The following PTPRQ variants were observed in gnomAD, a reference collection of about 807,000 sequenced individuals.
The protein encoded by PTPRQ is phosphatidylinositol phosphatase PTPRQ.
A neutral mutation model predicts 246.0 loss-of-function variants in PTPRQ; 199 were observed. The observed-to-expected ratio is 0.81, with a 90% CI of 0.72 to 0.91. The LOEUF (loss-of-function observed/expected upper bound fraction) is 0.91, where lower values mean the gene tolerates loss of function less well. Ranked by LOEUF, PTPRQ falls within the 40% of genes least tolerant of loss-of-function variation. The pLI, the probability that PTPRQ is intolerant of heterozygous loss-of-function variation, is 0.00. For synonymous variants in PTPRQ, 869 were observed against 853.2 expected, an observed-to-expected ratio of 1.02 and a Z score of -0.32; for missense variants, 2,624 against 2,528.4, an observed-to-expected ratio of 1.04 and a Z score of -0.81.
At chr12:80,520,610 G>A (rs966119514) in intron 17 of PTPRQ, among the ~76,000 whole-genome samples, 1 of 150,090 alleles carries the variant, frequency 6.7e-6, no homozygotes, top group African/African-American at 2.5e-5. Flanking sequence ...AACATGCGGT[G>A]TTTGGTTTTT....
intron 14 of PTPRQ, among the ~76,000 whole-genome samples, chr12:80,497,607 C>A (rs748027300): frequency 6.6e-6 from 1 of 151,986 alleles, no homozygotes; most frequent in Non-Finnish European, 1.5e-5. Context: ...GTAAAACAAG[C>A]AAGGAATTAC....
At chr12:80,558,053 T>C (rs1416914302) in intron 25 of PTPRQ, among the ~76,000 whole-genome samples, 1 of 150,736 alleles carries the variant, frequency 6.6e-6, no homozygotes, top group Admixed American at 6.6e-5. Context: ...CTTTCTCCCT[T>C]CCTCCCTTCC....
rs1896318374 is a variant in PTPRQ, at chr12:80,546,688, C to T, written c.4006C>T (p.Gln1336Ter). The part of the protein sequence containing the change: ...QFSNVVKFTT[Q>*]ESVPDVVQNM... The stretch of plus-strand genomic sequence containing the variant: ...TAGTAATGTAGTAAAATTCACAACC[C>T]AAGAATCAGGTTAGATACAGTTTTT... Residue 1336 changes from glutamine to a stop codon, truncating the protein, a stop_gained, in exon 24 of 45, where the codon CAA becomes TAA. Transcript: ENST00000644991. LOFTEE classifies it high-confidence loss of function. 6.4e-7 allele frequency: 1 copy of T among 1,550,840 alleles called. No homozygotes were observed. Among genetic ancestry groups the T allele is most frequent in the Non-Finnish European group, 8.7e-7 (1 of 1,146,668 alleles).
intron 14 of PTPRQ, among the ~76,000 whole-genome samples, chr12:80,501,794 G>T (rs1443958196): frequency 6.6e-6 from 1 of 151,946 alleles, no homozygotes; most frequent in Non-Finnish European, 1.5e-5. Flanking sequence ...TATTCCCTAT[G>T]TCACATGCTG....
At chr12:80,471,474 A>AATTTTTT (rs1893623093) in intron 7 of PTPRQ, among the ~76,000 whole-genome samples, 1 of 73,198 alleles carries the variant, frequency 1.4e-5, no homozygotes, top group Non-Finnish European at 2.4e-5. Context: ...ATTATTTAGC[A>AATTTTTT]TTTTTTTTTT....
chr12:80,652,930 T>A, intron 38 of PTPRQ, 96 bp downstream of exon 38: 6 of 1,256,264 alleles, frequency 4.8e-6, no homozygotes, highest in Non-Finnish European at 6.2e-6. Context: ...TATTTTATAT[T>A]GTTTGAATTA....
intron 26 of PTPRQ, among the ~76,000 whole-genome samples, chr12:80,604,302 T>G (rs749517113): frequency 6.6e-6 from 1 of 151,568 alleles, no homozygotes; most frequent in Non-Finnish European, 1.5e-5. Context: ...TAACTGTGGC[T>G]AAATCTTTCC....
At chr12:80,661,776 C>T (rs1322739563) in intron 39 of PTPRQ, among the ~76,000 whole-genome samples, 2 of 151,554 alleles carry the variant, frequency 1.3e-5, no homozygotes, top group Admixed American at 6.6e-5. Flanking sequence ...TAAACTTTAA[C>T]ATAAAAAAAT....
chr12:80,464,170 G>A (rs1422261955), intron 6 of PTPRQ, among the ~76,000 whole-genome samples: 1 of 150,200 alleles, frequency 6.7e-6, no homozygotes, highest in African/African-American at 2.5e-5. Context: ...AAGGATGGAG[G>A]AAGATCTACC....
Position 80,652,834 on chromosome 12 carries a change from T to A in PTPRQ, c.6115T>A (p.Tyr2039Asn). The change falls in exon 38 of 45, where the codon TAT (tyrosine) becomes AAT (asparagine). Residue 2039 changes from tyrosine to asparagine, a missense_variant and splice_region_variant. By Grantham distance (143) the Tyr-to-Asn change is moderately radical. Transcript: ENST00000644991. Reference protein sequence around the residue: ...AKNRFPNIKPYNNNRVKLIAD... With the variant: ...AKNRFPNIKPNNNNRVKLIAD... ...AAACCGCTTCCCAAACATAAAACCA[T>A]GTATGTGCATTTGTTGGTTTTGGTT... 6.7e-7 allele frequency: 1 copy of A among 1,491,164 alleles called. No homozygotes were observed. The highest frequency in any genetic ancestry group is 8.9e-7 in the Non-Finnish European group (1 of 1,121,058). The allele number at this position is 1,491,164 out of a possible 1,614,324, so 92.4% of individuals were successfully genotyped here.
intron 33 of PTPRQ, among the ~76,000 whole-genome samples, chr12:80,629,169 C>G (rs117457634): frequency 0.33 from 50,100 of 150,504 alleles, 8,634 homozygotes; most frequent in African/African-American, 0.43. Context: ...CACACACACA[C>G]ACACAGAGAG....
At chr12:80,483,038 A>C (rs1894129178) in intron 8 of PTPRQ, among the ~76,000 whole-genome samples, 1 of 120,122 alleles carries the variant, frequency 8.3e-6, no homozygotes, top group Non-Finnish European at 1.7e-5. Flanking sequence ...ATATACCCAA[A>C]GGACTATAAA....
intron 25 of PTPRQ, among the ~76,000 whole-genome samples, chr12:80,550,074 C>T (rs1243783740): frequency 3.9e-5 from 6 of 152,012 alleles, no homozygotes; most frequent in Non-Finnish European, 8.8e-5. Flanking sequence ...TCTTTTTAGT[C>T]TTACTTGTTT....
intron 17 of PTPRQ, among the ~76,000 whole-genome samples, chr12:80,517,774 G>C (rs1895349799): frequency 6.6e-6 from 1 of 151,874 alleles, no homozygotes; most frequent in Non-Finnish European, 1.5e-5. Flanking sequence ...ATTTGTGCCT[G>C]ACTTATTTGA....
intron 7 of PTPRQ, 128 bp downstream of exon 7, chr12:80,468,966 A>T (rs1893536932): frequency 7.6e-7 from 1 of 1,320,850 alleles, no homozygotes; most frequent in African/African-American, 1.5e-5. Context: ...AAACAATAGG[A>T]AAGTCATAAG....
At chr12:80,470,469 G>T (rs1328825599) in intron 7 of PTPRQ, among the ~76,000 whole-genome samples, 2 of 152,190 alleles carry the variant, frequency 1.3e-5, no homozygotes, top group Admixed American at 6.5e-5. Context: ...GCAGAGAAGA[G>T]TAAGTGTAAA....
At chr12:80,581,891 GA>G (rs1453206846) in intron 25 of PTPRQ, among the ~76,000 whole-genome samples, 7 of 152,150 alleles carry the variant, frequency 4.6e-5, no homozygotes, top group African/African-American at 1.4e-4. Context: ...TTTTCCCTCT[GA>G]AACTTTTATT....
At chr12:80,632,366 A>C in intron 34 of PTPRQ, 75 bp downstream of exon 34, 1 of 1,517,452 alleles carries the variant, frequency 6.6e-7, no homozygotes, top group Non-Finnish European at 8.8e-7. Context: ...CAGGAGACAG[A>C]AGCCACAACA....
rs1253096313 is a variant in PTPRQ at position 80,546,693 on chromosome 12, A to T, written c.4011A>T (p.Glu1337Asp). Residue 1337 changes from glutamate (E) to aspartate (D), a missense_variant, in exon 24 of 45, where the codon GAA becomes GAT. Glu to Asp is a conservative substitution (Grantham distance 45). Transcript: ENST00000644991. ...ATGTAGTAAAATTCACAACCCAAGAATCAGGTTAGATACAGTTTTTGAGCC... is the reference window on the plus strand; with the variant it reads ...ATGTAGTAAAATTCACAACCCAAGATTCAGGTTAGATACAGTTTTTGAGCC... ...FSNVVKFTTQ[E>D]SVPDVVQNMQ... The T allele has an allele frequency of 1.3e-6, 2 of 1,550,408 alleles. No individual in the cohort carries two copies. Among genetic ancestry groups the T allele is most frequent in the East Asian group, 4.9e-5 (2 of 40,850 alleles).
Sources: allele counts gnomAD v4.1 joint callset (sites outside exome capture counted in the v4.1 genomes callset), GRCh38; gene constraint gnomAD v4.1.1; transcripts MANE v1.5; gene names NCBI Gene and HGNC (gene_info 2026-07-23, HGNC 2026-07-21).